The following CRISPLD2 variants were observed in gnomAD, a reference collection of about 807,000 sequenced individuals.
CRISPLD2 encodes the protein cysteine rich secretory protein LCCL domain containing 2.
A neutral mutation model predicts 71.1 loss-of-function variants in CRISPLD2; 47 were observed. That is an observed-to-expected ratio of 0.66 (90% CI 0.52 to 0.84). The LOEUF is 0.84. Among genes scored for constraint, CRISPLD2 ranks in the 40% least tolerant of loss-of-function variants. The pLI, the probability that CRISPLD2 is intolerant of heterozygous loss-of-function variation, is 0.00. For synonymous variants in CRISPLD2, 317 were observed against 250.1 expected (o/e 1.27, Z -2.52); for missense variants, 830 against 651.1 (o/e 1.27, Z -2.99).
At chr16:84,891,853 T>C (rs2071665810) in intron 14 of CRISPLD2, among the ~76,000 whole-genome samples, 1 of 152,154 alleles carries the variant, frequency 6.6e-6, no homozygotes, top group African/African-American at 2.4e-5. Context: ...TCGGTCTTTC[T>C]CTCTTCCTGT....
At chr16:84,883,697 G>A (rs2071587611) in intron 13 of CRISPLD2, among the ~76,000 whole-genome samples, 1 of 152,186 alleles carries the variant, frequency 6.6e-6, no homozygotes. Flanking sequence ...GCATGTTGAG[G>A]ACCACTGGGC....
At chr16:84,896,571 G>T (rs1429928810) in intron 14 of CRISPLD2, among the ~76,000 whole-genome samples, 3 of 152,148 alleles carry the variant, frequency 2.0e-5, no homozygotes, top group African/African-American at 7.2e-5. Context: ...AAATAGGCCT[G>T]TGTTAGGTGA....
intron 12 of CRISPLD2, 89 bp from the exon 13 acceptor site, chr16:84,880,419 TA>T (rs1217826051): frequency 9.6e-7 from 1 of 1,039,016 alleles, no homozygotes; most frequent in African/African-American, 1.6e-5. Context: ...TCTACGAACT[TA>T]AATCTTGGAA....
At chr16:84,895,252 A>G (rs1445628107) in intron 14 of CRISPLD2, among the ~76,000 whole-genome samples, 1 of 152,134 alleles carries the variant, frequency 6.6e-6, no homozygotes, top group Non-Finnish European at 1.5e-5. Context: ...CTGGGACTCA[A>G]ACCTAGGCCG....
At chr16:84,892,770 G>A (rs1423742590) in intron 14 of CRISPLD2, among the ~76,000 whole-genome samples, 2 of 151,982 alleles carry the variant, frequency 1.3e-5, no homozygotes, top group Admixed American at 6.6e-5. Context: ...GAGGTCAGGA[G>A]TTCGAGACCA....
At chr16:84,891,204 G>A (rs776772681) in intron 14 of CRISPLD2, among the ~76,000 whole-genome samples, 1 of 152,224 alleles carries the variant, frequency 6.6e-6, no homozygotes, top group Non-Finnish European at 1.5e-5. Flanking sequence ...TCATATTTGA[G>A]GGACGTTCTT....
In CRISPLD2 at chr16:84,894,022, A is replaced by G. The variant is rs372747253; in HGVS notation, c.1439+4659A>G. ...AATCCTTCAATCACACAAACCACCAAAACCCCCAAACAGGATTCTCAGCAC... is the reference window on the plus strand; with the variant it reads ...AATCCTTCAATCACACAAACCACCAGAACCCCCAAACAGGATTCTCAGCAC... On this transcript the variant is annotated intron_variant, in intron 14 of 14. Coordinates refer to ENST00000262424, the MANE Select transcript of CRISPLD2 (RefSeq NM_031476.4). Among the ~76,000 whole-genome samples, 6 of 152,258 alleles carry G rather than the reference A, an allele frequency of 3.9e-5. 1 individual carries two copies. The highest frequency in any genetic ancestry group is 1.4e-4 in the African/African-American group (6 of 41,570).
intron 1 of CRISPLD2, among the ~76,000 whole-genome samples, chr16:84,823,186 A>G (rs1284025272): frequency 6.6e-6 from 1 of 152,166 alleles, no homozygotes; most frequent in African/African-American, 2.4e-5. Flanking sequence ...TGTGTATGAG[A>G]CCTTCGTTCC....
chr16:84,872,882 C>A, intron 9 of CRISPLD2, 110 bp from the exon 10 acceptor site: 1 of 1,369,054 alleles, frequency 7.3e-7, no homozygotes, highest in Non-Finnish European at 1.0e-6. Flanking sequence ...GAGCTTTGGC[C>A]TGTCCTTCAG....
At chr16:84,862,778 T>C (rs909775939) in intron 6 of CRISPLD2, among the ~76,000 whole-genome samples, 1 of 137,402 alleles carries the variant, frequency 7.3e-6, no homozygotes, top group Non-Finnish European at 1.5e-5. Context: ...AAGGGTGGGG[T>C]AGATGTGGGA....
At chr16:84,891,822 C>A (rs1452077377) in intron 14 of CRISPLD2, among the ~76,000 whole-genome samples, 1 of 152,132 alleles carries the variant, frequency 6.6e-6, no homozygotes, top group Admixed American at 6.5e-5. Flanking sequence ...GCCCCACTAT[C>A]ACCCAGGGTG....
chr16:84,845,233 C>G (rs12447888), intron 2 of CRISPLD2, among the ~76,000 whole-genome samples: 4 of 151,936 alleles, frequency 2.6e-5, no homozygotes, highest in African/African-American at 7.3e-5. Flanking sequence ...GATAAGGGCC[C>G]GCTTCGGAGC....
At chr16:84,881,950 C>G (rs2071572108) in intron 13 of CRISPLD2, among the ~76,000 whole-genome samples, 1 of 152,266 alleles carries the variant, frequency 6.6e-6, no homozygotes, top group East Asian at 1.9e-4. Flanking sequence ...CTTATCTCCC[C>G]CCATCTTTTT....
At chr16:84,894,920 A>G (rs1381512233) in intron 14 of CRISPLD2, among the ~76,000 whole-genome samples, 2 of 151,854 alleles carry the variant, frequency 1.3e-5, no homozygotes, top group Non-Finnish European at 2.9e-5. Flanking sequence ...CTATGGGTCT[A>G]GAAATCCTGA....
At chr16:84,862,726 C>T (rs530636022) in intron 6 of CRISPLD2, among the ~76,000 whole-genome samples, 20 of 143,072 alleles carry the variant, frequency 1.4e-4, no homozygotes, top group East Asian at 2.0e-4. Flanking sequence ...TTGCCATGAC[C>T]GAGGGGCCTT....
At position 84,845,904 on chromosome 16, in the gene CRISPLD2, G is replaced by A. The variant is rs745412278; in HGVS notation, c.359G>A (p.Arg120Lys). The A allele has an allele frequency of 1.3e-5, 21 of 1,601,956 alleles. No individual in the cohort carries two copies. Among genetic ancestry groups the A allele is most frequent in the Non-Finnish European group, 1.5e-5 (18 of 1,169,680 alleles). The change falls in exon 3 of 15, where the codon AGG becomes AAG. Residue 120 changes from arginine (R) to lysine (K), a missense_variant and splice_region_variant. Coordinates refer to ENST00000262424, the MANE Select transcript of CRISPLD2 (RefSeq NM_031476.4). ...CAGAACCTGGGCGCTCACTGGGGCA[G>A]GTAAGAGCCACAAGTTCCTCTCCGG... ...IGQNLGAHWG[R>K]YRSPGFHVQS...
chr16:84,859,400 G>A (rs960728778), intron 6 of CRISPLD2, among the ~76,000 whole-genome samples: 1 of 152,170 alleles, frequency 6.6e-6, no homozygotes, highest in Non-Finnish European at 1.5e-5. Context: ...TCCCCAAAAT[G>A]TCTGATCATT....
chr16:84,824,126 G>A (rs1368163862), intron 1 of CRISPLD2, among the ~76,000 whole-genome samples: 1 of 152,136 alleles, frequency 6.6e-6, no homozygotes, highest in African/African-American at 2.4e-5. Context: ...TAGTGGGTGG[G>A]TGGGGAGCTG....
At chr16:84,899,479 A>G (rs1000863165) in intron 14 of CRISPLD2, among the ~76,000 whole-genome samples, 2 of 152,284 alleles carry the variant, frequency 1.3e-5, no homozygotes, top group Non-Finnish European at 2.9e-5. Context: ...GAGCTTAATA[A>G]CTGCTTGAGG....
Sources: allele counts gnomAD v4.1 joint callset (sites outside exome capture counted in the v4.1 genomes callset), GRCh38; gene constraint gnomAD v4.1.1; transcripts MANE v1.5; gene names NCBI Gene and HGNC (gene_info 2026-07-23, HGNC 2026-07-21).